Variants in SPHKAP observed in about 807,000 individuals in gnomAD.
SPHKAP encodes the protein SPHK1 interactor, AKAP domain containing, also known as A-kinase anchor protein SPHKAP.
SPHKAP carries 67 observed loss-of-function variants against 137.5 expected under a neutral mutation model. That is an observed-to-expected ratio of 0.49 (90% CI 0.40 to 0.60). The LOEUF (loss-of-function observed/expected upper bound fraction) is 0.60. SPHKAP is among the 20% of genes least tolerant of loss of function. The pLI is 0.00. For missense variants in SPHKAP, 2,097 were observed against 2,069.3 expected (o/e 1.01, Z -0.26); for synonymous variants, 813 against 785.3 (o/e 1.04, Z -0.59).
intron 8 of SPHKAP, 22 bp from the exon 9 acceptor site, chr2:227,993,642 T>G (rs578115608): frequency 1.3e-6 from 2 of 1,559,560 alleles, no homozygotes; most frequent in East Asian, 2.4e-5. Flanking sequence ...AAAGTTTACA[T>G]ATTAATGCCC....
intron 3 of SPHKAP, among the ~76,000 whole-genome samples, chr2:228,104,279 ATATCAT>A (rs1698268666): frequency 7.7e-6 from 1 of 130,198 alleles, no homozygotes; most frequent in Non-Finnish European, 1.6e-5. Flanking sequence ...TATATATTAT[ATATCAT>A]TATATCATAT....
intron 1 of SPHKAP, among the ~76,000 whole-genome samples, chr2:228,143,049 G>A (rs1699654012): frequency 6.6e-6 from 1 of 151,806 alleles, no homozygotes. Context: ...TATTCAATTT[G>A]TTATTCTTAA....
Position 227,981,982 on chromosome 2 carries a change from G to A in SPHKAP, c.4960-122C>T, listed in dbSNP as rs868171900. The A allele has an allele frequency of 8.2e-6, 11 of 1,347,404 alleles. No homozygotes were observed. In the African/African-American group the frequency reaches 1.4e-4, roughly 17 times the overall value. 83.5% of individuals were successfully genotyped at this position (1,347,404 alleles called of 1,614,324 possible). A position where few individuals can be genotyped will look rare whatever the true frequency, so the allele number is the denominator to read the frequency against. ...CTGTTTAAATGTCTCTAGTGTCAGA[G>A]GACTGTTTTCCGGGATAATCTATTT... On this transcript the variant is annotated intron_variant, in intron 11 of 11. Transcript: ENST00000392056.
intron 6 of SPHKAP, 148 bp downstream of exon 6, chr2:228,021,563 A>C (rs1443926462): frequency 1.5e-5 from 15 of 971,414 alleles, no homozygotes; most frequent in Non-Finnish European, 2.3e-5. Flanking sequence ...GTGTTCTCAT[A>C]TCCTCCTTCC....
rs376275704 is a variant in SPHKAP at position 228,126,334 on chromosome 2, A to G, written c.138+5646T>C. Among the ~76,000 whole-genome samples, 9 of 152,312 alleles carry G rather than the reference A, an allele frequency of 5.9e-5. No individual in the cohort carries two copies. The East Asian group carries it at 1.7e-3, about 29-fold the overall frequency. On this transcript the variant is annotated intron_variant, in intron 2 of 11. Coordinates refer to ENST00000392056, the MANE Select transcript of SPHKAP (RefSeq NM_001142644.2). ...TGACATAGAGGTTAGCTGACTTTCC[A>G]ACCTGGATGGATTGAAAGTGTTTGT... is the stretch of plus-strand genomic sequence containing the variant.
At chr2:228,109,402 A>G (rs1698445740) in intron 2 of SPHKAP, 3 of 983,438 alleles carry the variant, frequency 3.1e-6, no homozygotes, top group East Asian at 1.1e-4. Context: ...GAACTAGTGT[A>G]CAATTTTTCT....
intron 1 of SPHKAP, among the ~76,000 whole-genome samples, chr2:228,151,619 G>A (rs185379340): frequency 1.5e-3 from 221 of 152,024 alleles, no homozygotes; most frequent in East Asian, 9.9e-3. Flanking sequence ...TTTAATGATC[G>A]CCATTCTAAC....
chr2:227,995,615 G>T lies in SPHKAP; in HGVS notation c.4528C>A (p.Pro1510Thr). ...ARAPDEAPNP[P>T]SSSEESTGSW... Reference sequence around the variant, plus strand: ...CCTGTGCTCTCCTCGCTGCTGCTTGGAGGGTTGGGGGCCTCATCGGGGGCT... The same window carrying T: ...CCTGTGCTCTCCTCGCTGCTGCTTGTAGGGTTGGGGGCCTCATCGGGGGCT... Residue 1510 changes from proline to threonine, a missense_variant, in exon 8 of 12, where the codon CCA becomes ACA. By Grantham distance (38) the Pro-to-Thr change is conservative (BLOSUM62 -1). Coordinates refer to ENST00000392056, the MANE Select transcript of SPHKAP (RefSeq NM_001142644.2). 6.2e-7 allele frequency: 1 copy of T among 1,613,992 alleles called. No homozygotes were observed. Among genetic ancestry groups the T allele is most frequent in the Non-Finnish European group, 8.5e-7 (1 of 1,179,976 alleles).
At position 228,002,577 on chromosome 2, in the gene SPHKAP, TC is replaced by T. The variant is rs1391775119; in HGVS notation, c.4449-6884del. Among the ~76,000 whole-genome samples the T allele has an allele frequency of 1.3e-3, 192 of 152,360 alleles. 1 individual carries two copies. The highest frequency in any genetic ancestry group is 4.4e-5 in the Non-Finnish European group (3 of 68,040). On this transcript the variant is annotated intron_variant, in intron 7 of 11. Transcript: ENST00000392056. Reference sequence around the variant, plus strand: ...GCAGAAGCTCTTTAGTTTAATTAGATCCCATTTGTCTATGTTGGCTTCTGTT... The same window carrying T: ...GCAGAAGCTCTTTAGTTTAATTAGATCCATTTGTCTATGTTGGCTTCTGTT...
At chr2:228,169,217 A>G (rs1395273427) in intron 1 of SPHKAP, among the ~76,000 whole-genome samples, 1 of 152,230 alleles carries the variant, frequency 6.6e-6, no homozygotes, top group Non-Finnish European at 1.5e-5. Context: ...AAGATTATTG[A>G]TGAAGGTGGC....
chr2:228,050,846 G>A (rs1696228516), intron 3 of SPHKAP, among the ~76,000 whole-genome samples: 1 of 151,998 alleles, frequency 6.6e-6, no homozygotes, highest in African/African-American at 2.4e-5. Flanking sequence ...TGACTCTGTT[G>A]CCCAGGCTGG....
intron 7 of SPHKAP, among the ~76,000 whole-genome samples, chr2:228,015,523 A>C (rs184973063): frequency 8.5e-5 from 13 of 152,326 alleles, no homozygotes; most frequent in Admixed American, 5.2e-4. Flanking sequence ...AAATGATACA[A>C]TGGTCTCATA....
rs533597480 is a variant in SPHKAP at position 228,129,528 on chromosome 2, T to C, written c.138+2452A>G. ...CCCCAAGATCTAACAGAGTTTTGAA[T>C]GTATTTAGGTCGGGCCATACAAAAT... On this transcript the variant is annotated intron_variant, in intron 2 of 11. Transcript: ENST00000392056. 5.3e-5 allele frequency among the ~76,000 whole-genome samples: 8 copies of C among 152,180 alleles called. No individual in the cohort carries two copies. In the South Asian group the frequency reaches 1.2e-3, roughly 24 times the overall value.
In SPHKAP at chr2:228,019,682, T is replaced by C. The variant is rs750486000; in HGVS notation, c.1172A>G (p.Tyr391Cys). 16 of 1,614,228 alleles carry C rather than the reference T, an allele frequency of 9.9e-6. No individual in the cohort carries two copies. The East Asian group carries it at 1.6e-4, about 16-fold the overall frequency. Residue 391 changes from tyrosine (Y) to cysteine (C), a missense_variant, in exon 7 of 12, where the codon TAT becomes TGT. Coordinates refer to ENST00000392056, the MANE Select transcript of SPHKAP (RefSeq NM_001142644.2). ...RQDGEVTTGK[Y>C]ATNLAESVLQ... ...CACGGATTCTGCTAAATTTGTAGCA[T>C]ACTTGCCAGTGGTGACTTCTCCATC...
intron 7 of SPHKAP, among the ~76,000 whole-genome samples, chr2:228,009,422 G>A (rs754901941): frequency 7.2e-5 from 11 of 151,994 alleles, no homozygotes; most frequent in African/African-American, 9.7e-5. Flanking sequence ...TCTTACATTC[G>A]TGTGTACCTT....
chr2:228,056,037 T>G (rs11694195), intron 3 of SPHKAP, among the ~76,000 whole-genome samples: 43,574 of 152,038 alleles, frequency 0.29, 6,497 homozygotes, highest in East Asian at 0.38. Flanking sequence ...GCTTAGAAAC[T>G]GTGATGCATA....
Position 228,035,578 on chromosome 2 carries a change from A to G in SPHKAP, c.247-8035T>C, listed in dbSNP as rs569239238. ...AAAAAGAGCCTGTATCGCCAAGTCA[A>G]TCCTAAGCCAAAGGAACAAAGCTGG... On this transcript the variant is annotated intron_variant, in intron 3 of 11. Coordinates refer to ENST00000392056, the MANE Select transcript of SPHKAP (RefSeq NM_001142644.2). Among the ~76,000 whole-genome samples the G allele has an allele frequency of 2.8e-4, 43 of 152,374 alleles. 1 individual carries two copies. The highest frequency in any genetic ancestry group is 2.5e-3 in the Admixed American group (39 of 15,308).
At chr2:228,122,462 G>T (rs1440069068) in intron 2 of SPHKAP, among the ~76,000 whole-genome samples, 2 of 152,202 alleles carry the variant, frequency 1.3e-5, no homozygotes, top group Non-Finnish European at 2.9e-5. Flanking sequence ...AGTGAGTGGA[G>T]TTCAGAGTCC....
chr2:228,156,459 C>G (rs1700110336), intron 1 of SPHKAP, among the ~76,000 whole-genome samples: 1 of 152,164 alleles, frequency 6.6e-6, no homozygotes, highest in African/African-American at 2.4e-5. Flanking sequence ...TCCTTAAACA[C>G]TCAATCAAAA....
Sources: gnomAD v4.1 joint callset for allele counts (sites outside exome capture counted in the v4.1 genomes callset) on GRCh38, gnomAD v4.1.1 for gene constraint, MANE v1.5 for transcripts, NCBI Gene and HGNC (gene_info 2026-07-23, HGNC 2026-07-21) for gene names.